The following TMEM132D variants were observed in gnomAD, a reference collection of about 807,000 sequenced individuals.
TMEM132D encodes the protein mature OL transmembrane protein.
TMEM132D carries 21 observed loss-of-function variants against 62.3 expected under a neutral mutation model. The observed-to-expected ratio is 0.34, with a 90% CI of 0.24 to 0.49. The LOEUF is 0.49. Among genes scored for constraint, TMEM132D ranks in the 20% least tolerant of loss-of-function variants. The probability of loss-of-function intolerance (pLI) is 0.99; values close to 1 mark genes in which losing one functional copy is unlikely to be tolerated. For synonymous variants in TMEM132D, 621 were observed against 575.6 expected, an observed-to-expected ratio of 1.08 and a Z score of -1.13; for missense variants, 1,346 against 1,402.8, an observed-to-expected ratio of 0.96 and a Z score of 0.65.
intron 2 of TMEM132D, among the ~76,000 whole-genome samples, chr12:129,666,410 C>CTT (rs35834912): frequency 0.76 from 115,629 of 152,044 alleles, 44,355 homozygotes; most frequent in East Asian, 0.84. Flanking sequence ...AAAATAGAAA[C>CTT]TAATGCCTCT....
chr12:129,568,745 A>G (rs1320805263), intron 2 of TMEM132D, among the ~76,000 whole-genome samples: 2 of 152,230 alleles, frequency 1.3e-5, no homozygotes, highest in South Asian at 2.1e-4. Flanking sequence ...ATTTAATGGT[A>G]TGTTTGAAGA....
intron 1 of TMEM132D, among the ~76,000 whole-genome samples, chr12:129,879,471 G>A (rs1352493093): frequency 1.3e-5 from 2 of 152,172 alleles, no homozygotes; most frequent in African/African-American, 4.8e-5. Context: ...AAGTTGCAGA[G>A]AAACCAATTA....
rs1874116960 is a variant in TMEM132D, at chr12:129,072,832, A to G, written c.*1043T>C. ...TTTCTAGTAAAGCAAGGGAATGTAT[A>G]TCCCCTGGTATGGAATTCACCGTGA... is the stretch of plus-strand genomic sequence containing the variant. On this transcript the variant is annotated 3_prime_UTR_variant, in exon 9 of 9. Coordinates refer to ENST00000422113, the MANE Select transcript of TMEM132D (RefSeq NM_133448.3). 2.0e-5 allele frequency: 3 copies of G among 152,298 alleles called. No individual in the cohort carries two copies. Among genetic ancestry groups the G allele is most frequent in the Admixed American group, 2.0e-4 (3 of 15,300 alleles). The allele number at this position is 152,298 out of a possible 1,614,324, so 9.4% of individuals were successfully genotyped here. A position where few individuals can be genotyped will look rare whatever the true frequency, so the allele number is the denominator to read the frequency against.
At chr12:129,669,234 T>C (rs569012753) in intron 2 of TMEM132D, among the ~76,000 whole-genome samples, 14 of 152,230 alleles carry the variant, frequency 9.2e-5, no homozygotes, top group Non-Finnish European at 1.8e-4. Context: ...AGTTTTATCA[T>C]GATTTGCTTT....
chr12:129,137,192 A>C (rs1038444856), intron 5 of TMEM132D, among the ~76,000 whole-genome samples: 1 of 151,668 alleles, frequency 6.6e-6, no homozygotes, highest in African/African-American at 2.4e-5. Flanking sequence ...CATCATCACA[A>C]TCACCATCAT....
chr12:129,362,452 G>A (rs915102633), intron 3 of TMEM132D, among the ~76,000 whole-genome samples: 3 of 119,846 alleles, frequency 2.5e-5, no homozygotes, highest in Non-Finnish European at 4.7e-5. Flanking sequence ...TTTTCCACAC[G>A]TGAGCTGGAA....
chr12:129,108,269 C>T (rs1453240946), intron 5 of TMEM132D, among the ~76,000 whole-genome samples: 2 of 152,204 alleles, frequency 1.3e-5, no homozygotes, highest in African/African-American at 2.4e-5. Flanking sequence ...GCCATCACAT[C>T]GTGGCCACTG....
chr12:129,699,605 T>C (rs1881323779), intron 2 of TMEM132D, among the ~76,000 whole-genome samples: 1 of 152,232 alleles, frequency 6.6e-6, no homozygotes, highest in African/African-American at 2.4e-5. Context: ...GGAAAATCTA[T>C]TAAGACGAAT....
chr12:129,758,296 T>C (rs1406510218), intron 1 of TMEM132D, among the ~76,000 whole-genome samples: 1 of 152,200 alleles, frequency 6.6e-6, no homozygotes, highest in East Asian at 1.9e-4. Flanking sequence ...CATGAAGATA[T>C]TTCTTCCTCT....
intron 2 of TMEM132D, among the ~76,000 whole-genome samples, chr12:129,566,634 T>C (rs780665537): frequency 2.0e-5 from 3 of 152,262 alleles, no homozygotes; most frequent in Admixed American, 6.5e-5. Context: ...TATTTTGAAA[T>C]GGCCCTGCAA....
intron 1 of TMEM132D, among the ~76,000 whole-genome samples, chr12:129,828,776 AAG>A (rs1872740263): frequency 8.8e-4 from 7 of 7,998 alleles, no homozygotes; most frequent in African/African-American, 2.8e-3. Context: ...GGGAGGGAGG[AAG>A]AAAAGGAGGG....
chr12:129,463,786 C>T (rs1873772885), intron 3 of TMEM132D, among the ~76,000 whole-genome samples: 1 of 152,092 alleles, frequency 6.6e-6, no homozygotes, highest in Non-Finnish European at 1.5e-5. Flanking sequence ...CATCCATGTC[C>T]CTACAAAGGA....
intron 3 of TMEM132D, among the ~76,000 whole-genome samples, chr12:129,366,649 G>A (rs1286058705): frequency 6.6e-6 from 1 of 152,310 alleles, no homozygotes; most frequent in Admixed American, 6.5e-5. Flanking sequence ...ACCAGGCATC[G>A]CTGGGATGCT....
At chr12:129,381,099 C>G (rs1870939774) in intron 3 of TMEM132D, among the ~76,000 whole-genome samples, 1 of 152,166 alleles carries the variant, frequency 6.6e-6, no homozygotes, top group South Asian at 2.1e-4. Context: ...CATTTGATCA[C>G]TCCAGTGAAA....
chr12:129,738,224 C>A (rs758669495), intron 1 of TMEM132D, among the ~76,000 whole-genome samples: 14 of 152,112 alleles, frequency 9.2e-5, no homozygotes, highest in Non-Finnish European at 8.8e-5. Context: ...TTATTCCTTG[C>A]TGCATAATGA....
At chr12:129,519,015 A>G (rs1303537641) in intron 3 of TMEM132D, among the ~76,000 whole-genome samples, 1 of 152,208 alleles carries the variant, frequency 6.6e-6, no homozygotes, top group African/African-American at 2.4e-5. Flanking sequence ...GTTTGAATAG[A>G]ATACACTTTC....
At chr12:129,776,183 C>T (rs367988682) in intron 1 of TMEM132D, among the ~76,000 whole-genome samples, 1 of 152,076 alleles carries the variant, frequency 6.6e-6, no homozygotes, top group South Asian at 2.1e-4. Context: ...AGATGGTAAT[C>T]CTGGGCTGTA....
intron 5 of TMEM132D, among the ~76,000 whole-genome samples, chr12:129,091,530 G>T (rs1016748371): frequency 6.6e-6 from 1 of 151,840 alleles, no homozygotes; most frequent in Non-Finnish European, 1.5e-5. Context: ...ATGCTCACCT[G>T]GGCTCTGGGG....
intron 2 of TMEM132D, among the ~76,000 whole-genome samples, chr12:129,664,590 A>G (rs1880329782): frequency 6.6e-6 from 1 of 151,726 alleles, no homozygotes; most frequent in Non-Finnish European, 1.5e-5. Flanking sequence ...ACGCCCAGCT[A>G]ATTTTTTTGT....
Sources: gnomAD v4.1 joint callset for allele counts (sites outside exome capture counted in the v4.1 genomes callset) on GRCh38, gnomAD v4.1.1 for gene constraint, MANE v1.5 for transcripts, NCBI Gene and HGNC (gene_info 2026-07-23, HGNC 2026-07-21) for gene names.